HOOK3: variants seen among roughly 807,000 people sequenced by gnomAD.
HOOK3 encodes protein Hook homolog 3.
In HOOK3, 24 loss-of-function variants were observed where a neutral mutation model predicts 116.3. The ratio of observed to expected loss-of-function variants is 0.21; its 90% confidence interval spans 0.15 to 0.29. The LOEUF is 0.29. HOOK3 is among the 10% of genes least tolerant of loss of function. The pLI is 1.00. For missense variants in HOOK3, 632 were observed against 830.2 expected (o/e 0.76, Z 2.93); for synonymous variants, 275 against 283.0 (o/e 0.97, Z 0.28).
intron 16 of HOOK3, 89 bp from the exon 17 acceptor site, chr8:43,002,018 A>G (rs567809892): frequency 5.1e-5 from 43 of 841,062 alleles, no homozygotes; most frequent in Middle Eastern, 7.3e-4. Flanking sequence ...CTCACTCAAA[A>G]TTAATGACTA....
At chr8:42,927,019 G>A (rs760904811) in intron 3 of HOOK3, among the ~76,000 whole-genome samples, 12 of 152,172 alleles carry the variant, frequency 7.9e-5, no homozygotes, top group East Asian at 3.9e-4. Flanking sequence ...AGAAACCTGC[G>A]ACCATTTCTT....
chr8:42,938,507 G>A (rs1081884), intron 4 of HOOK3, among the ~76,000 whole-genome samples: 19,334 of 151,824 alleles, frequency 0.13, 2,084 homozygotes, highest in African/African-American at 0.27. Flanking sequence ...TTACAATTTC[G>A]TATGTTTTTG....
At chr8:42,988,786 A>G (rs1048107056) in intron 15 of HOOK3, among the ~76,000 whole-genome samples, 4 of 152,146 alleles carry the variant, frequency 2.6e-5, no homozygotes, top group African/African-American at 9.7e-5. Flanking sequence ...TACCTAGTCC[A>G]TACCCTCTTT....
At chr8:42,937,689 G>C (rs1349349320) in intron 4 of HOOK3, among the ~76,000 whole-genome samples, 2 of 152,162 alleles carry the variant, frequency 1.3e-5, no homozygotes, top group Admixed American at 1.3e-4. Context: ...TTTCCATGTA[G>C]TTGTGCGGTT....
In HOOK3 at chr8:43,018,795, G is replaced by A. The variant is rs1188617983; in HGVS notation, c.*297G>A. On this transcript the variant is annotated 3_prime_UTR_variant, in exon 22 of 22. Coordinates refer to ENST00000307602, the MANE Select transcript of HOOK3 (RefSeq NM_032410.4). ...GTATGAAAATGTCCTCTTCTTCAAA[G>A]GTATAGGCTTTGTAATGAATTAGAT... 1.8e-5 allele frequency: 5 copies of A among 280,590 alleles called. 1 individual carries two copies. Among genetic ancestry groups the A allele is most frequent in the African/African-American group, 8.6e-5 (4 of 46,582 alleles). 17.4% of individuals were successfully genotyped at this position (280,590 alleles called of 1,614,324 possible).
intron 2 of HOOK3, among the ~76,000 whole-genome samples, chr8:42,916,956 C>G (rs769112514): frequency 3.9e-5 from 6 of 152,006 alleles, no homozygotes; most frequent in Non-Finnish European, 5.9e-5. Flanking sequence ...CAGTACAGAC[C>G]CCACAAATTA....
intron 15 of HOOK3, among the ~76,000 whole-genome samples, chr8:42,993,923 T>G (rs1411058250): frequency 6.6e-6 from 1 of 152,140 alleles, no homozygotes; most frequent in Non-Finnish European, 1.5e-5. Flanking sequence ...GTTTGTCAAT[T>G]TATCTTTTCA....
intron 2 of HOOK3, among the ~76,000 whole-genome samples, chr8:42,918,424 T>C (rs1807573610): frequency 6.6e-6 from 1 of 152,236 alleles, no homozygotes; most frequent in African/African-American, 2.4e-5. Flanking sequence ...TTTAACATTT[T>C]TTTTTAAATT....
chr8:42,984,048 G>A (rs1326950909), intron 14 of HOOK3, among the ~76,000 whole-genome samples: 1 of 152,138 alleles, frequency 6.6e-6, no homozygotes, highest in Non-Finnish European at 1.5e-5. Flanking sequence ...GAAACAATTT[G>A]TAGTTGTTGG....
chr8:42,979,842 T>A (rs1386692733), intron 13 of HOOK3, among the ~76,000 whole-genome samples: 2 of 152,190 alleles, frequency 1.3e-5, no homozygotes, highest in Non-Finnish European at 2.9e-5. Context: ...TTATTATATA[T>A]CTTTCTTGTT....
At chr8:42,926,836 C>CA (rs1252837681) in intron 3 of HOOK3, among the ~76,000 whole-genome samples, 1 of 152,230 alleles carries the variant, frequency 6.6e-6, no homozygotes, top group African/African-American at 2.4e-5. Flanking sequence ...ACTACCACCA[C>CA]AGTGAAAGAC....
At chr8:42,947,427 A>G (rs1808250698) in intron 5 of HOOK3, among the ~76,000 whole-genome samples, 1 of 152,206 alleles carries the variant, frequency 6.6e-6, no homozygotes, top group South Asian at 2.1e-4. Flanking sequence ...GAATAGGACT[A>G]GGAAAAGACA....
At position 42,922,981 on chromosome 8, in the gene HOOK3, A is replaced by G. The variant is rs537227295; in HGVS notation, c.144-2576A>G. 1.4e-4 allele frequency among the ~76,000 whole-genome samples: 22 copies of G among 152,334 alleles called. No individual in the cohort carries two copies. In the South Asian group the frequency reaches 4.6e-3, roughly 32 times the overall value. The stretch of plus-strand genomic sequence containing the variant: ...CTGTTAAGAGGCTGGTATCCTGAAT[A>G]TTAAAACAAAATACCAAAACTCTTA... On this transcript the variant is annotated intron_variant, in intron 2 of 21. Transcript: ENST00000307602.
intron 4 of HOOK3, among the ~76,000 whole-genome samples, chr8:42,940,060 T>G (rs578109722): frequency 0.013 from 1,951 of 151,786 alleles, 44 homozygotes; most frequent in African/African-American, 0.044. Context: ...GCAGAGACGC[T>G]CCTCACTTCC....
At chr8:42,950,542 A>G (rs1446292398) in intron 6 of HOOK3, 87 bp downstream of exon 6, 1 of 739,420 alleles carries the variant, frequency 1.4e-6, no homozygotes, top group Admixed American at 2.3e-5. Context: ...ATTTTAAGAG[A>G]TTCTCCTCAT....
intron 1 of HOOK3, among the ~76,000 whole-genome samples, chr8:42,903,849 G>T (rs1040892111): frequency 2.0e-5 from 3 of 151,696 alleles, no homozygotes; most frequent in Admixed American, 6.6e-5. Flanking sequence ...CCAGCTACTC[G>T]GGGGGCTGAG....
At chr8:42,934,931 A>G (rs1181049529) in intron 4 of HOOK3, among the ~76,000 whole-genome samples, 2 of 152,162 alleles carry the variant, frequency 1.3e-5, no homozygotes, top group Admixed American at 6.5e-5. Context: ...TGGGTCAAAT[A>G]GTATTTCTGG....
chr8:42,929,592 A>G (rs942958488), intron 3 of HOOK3, among the ~76,000 whole-genome samples: 4 of 152,250 alleles, frequency 2.6e-5, no homozygotes, highest in African/African-American at 7.2e-5. Flanking sequence ...GCTCATAAAT[A>G]CTTACTTTGA....
At chr8:42,953,844 G>C (rs1251960322) in intron 6 of HOOK3, among the ~76,000 whole-genome samples, 4 of 152,132 alleles carry the variant, frequency 2.6e-5, no homozygotes, top group Admixed American at 6.5e-5. Flanking sequence ...AAAAGAAACA[G>C]AGAGTTTGAG....
Sources: allele counts gnomAD v4.1 joint callset (sites outside exome capture counted in the v4.1 genomes callset), GRCh38; gene constraint gnomAD v4.1.1; transcripts MANE v1.5; gene names NCBI Gene and HGNC (gene_info 2026-07-23, HGNC 2026-07-21).